Variants in KNDC1 observed in about 807,000 individuals in gnomAD.
KNDC1 encodes the protein kinase non-catalytic C-lobe domain containing 1.
Under a neutral mutation model 172.8 loss-of-function variants are expected in KNDC1, and 106 were observed. That is an observed-to-expected ratio of 0.61 (90% CI 0.52 to 0.72). The LOEUF (loss-of-function observed/expected upper bound fraction) is 0.72, where lower values mean the gene tolerates loss of function less well. KNDC1 is among the 30% of genes least tolerant of loss of function. The pLI is 0.00. For missense variants in KNDC1, 2,325 were observed against 2,394.5 expected, an observed-to-expected ratio of 0.97 and a Z score of 0.61; for synonymous variants, 1,083 against 1,062.2, an observed-to-expected ratio of 1.02 and a Z score of -0.38.
At chr10:133,213,160 T>C (rs2136024528) in intron 24 of KNDC1, among the ~76,000 whole-genome samples, 1 of 152,326 alleles carries the variant, frequency 6.6e-6, no homozygotes, top group Admixed American at 6.5e-5. Context: ...CCGCTGGGCC[T>C]GGCCCTGCCT....
chr10:133,225,303 C>A lies in KNDC1; in HGVS notation c.*413C>A. ...TCAACAAACTTCAGAGTAGCTCCTC[C>A]CTGAGCAGGTTTCTGAGCCAGCCTG... On this transcript the variant is annotated 3_prime_UTR_variant, in exon 30 of 30. Transcript: ENST00000304613. The A allele has an allele frequency of 4.7e-6, 1 of 212,432 alleles. No homozygotes were observed. The highest frequency in any genetic ancestry group is 9.5e-6 in the Non-Finnish European group (1 of 105,260). The allele number at this position is 212,432 out of a possible 1,614,324, so 13.2% of individuals were successfully genotyped here. A position where few individuals can be genotyped will look rare whatever the true frequency, so the allele number is the denominator to read the frequency against.
chr10:133,213,222 T>A (rs1399166320), intron 24 of KNDC1, among the ~76,000 whole-genome samples: 1 of 152,206 alleles, frequency 6.6e-6, no homozygotes, highest in East Asian at 1.9e-4. Context: ...GAGGGCCGCA[T>A]GGGGCGCTGA....
chr10:133,202,592 G>A lies in KNDC1; in HGVS notation c.3387+694G>A, dbSNP rs545191969. ...AGCTCCGGGAACCTCTCCTACCACC[G>A]TCTGCCTCGAGCTGAGCCACCGTGG... On this transcript the variant is annotated intron_variant, in intron 17 of 29. Transcript: ENST00000304613. The A allele has an allele frequency of 1.2e-3, 540 of 456,512 alleles. 1 individual carries two copies. Among genetic ancestry groups the A allele is most frequent in the African/African-American group, 9.7e-3 (486 of 50,186 alleles). The allele number at this position is 456,512 out of a possible 1,614,324, so 28.3% of individuals were successfully genotyped here.
intron 1 of KNDC1, among the ~76,000 whole-genome samples, chr10:133,165,813 C>A (rs1046225735): frequency 2.0e-5 from 3 of 152,126 alleles, no homozygotes; most frequent in Non-Finnish European, 4.4e-5. Flanking sequence ...GCTAAGAGGG[C>A]GGCAGGCTTG....
In KNDC1 at chr10:133,211,782, C is replaced by T. The variant is rs765362569; in HGVS notation, c.4160C>T (p.Pro1387Leu). The T allele has an allele frequency of 1.3e-5, 21 of 1,610,640 alleles. No homozygotes were observed. The East Asian group carries it at 4.7e-4, about 36-fold the overall frequency. Residue 1387 changes from proline (P) to leucine (L), a missense_variant, in exon 23 of 30, where the codon CCC becomes CTC. By Grantham distance (98) the Pro-to-Leu change is moderately conservative. Coordinates refer to ENST00000304613, the MANE Select transcript of KNDC1 (RefSeq NM_152643.8). ...GNPRGTDLENPREAEEDARPF... is the reference protein window; with the variant it reads ...GNPRGTDLENLREAEEDARPF... Reference sequence around the variant, plus strand: ...CCTCGCGGCACAGACCTGGAGAACCCCAGGGAGGCCGAGGAGGATGCCAGA... The same window carrying T: ...CCTCGCGGCACAGACCTGGAGAACCTCAGGGAGGCCGAGGAGGATGCCAGA...
chr10:133,205,685 C>T (rs915039418), intron 17 of KNDC1, among the ~76,000 whole-genome samples: 2 of 152,106 alleles, frequency 1.3e-5, no homozygotes, highest in Non-Finnish European at 2.9e-5. Flanking sequence ...AAAAGAAAGG[C>T]AAGGCTGGTG....
At position 133,186,433 on chromosome 10, in the gene KNDC1, G is replaced by T; in HGVS notation, c.1085G>T (p.Arg362Met). The change falls in exon 6 of 30, where the codon AGG (arginine) becomes ATG (methionine). Residue 362 changes from arginine to methionine, a missense_variant. Transcript: ENST00000304613. Reference protein sequence around the residue: ...LSSFQAQPKCRLWPEQEPEHQ... With the variant: ...LSSFQAQPKCMLWPEQEPEHQ... ...AGCTTCCAGGCTCAGCCCAAATGCA[G>T]GCTGTGGCCGGAGCAGGAGCCGGAA... The T allele has an allele frequency of 6.2e-7, 1 of 1,612,628 alleles. No individual in the cohort carries two copies. Among genetic ancestry groups the T allele is most frequent in the Non-Finnish European group, 8.5e-7 (1 of 1,179,872 alleles).
intron 20 of KNDC1, among the ~76,000 whole-genome samples, chr10:133,207,708 G>A (rs1259796615): frequency 1.3e-5 from 2 of 152,248 alleles, no homozygotes; most frequent in Non-Finnish European, 2.9e-5. Context: ...CACCGAGTCA[G>A]AACACCCGGG....
intron 1 of KNDC1, among the ~76,000 whole-genome samples, chr10:133,160,856 G>A (rs936377169): frequency 1.3e-5 from 2 of 152,158 alleles, no homozygotes; most frequent in African/African-American, 4.8e-5. Flanking sequence ...GCAGCAAGGA[G>A]GACGGAGGGG....
rs1845238045 is a variant in KNDC1 at position 133,207,483 on chromosome 10, G to T, written c.3794+132G>T. ...TAGTTTAGAGAAATGTTTAATCGGG[G>T]TTTAGGCCAATGTGCACTAGGTGCC... On this transcript the variant is annotated intron_variant, in intron 20 of 29. Coordinates refer to ENST00000304613, the MANE Select transcript of KNDC1 (RefSeq NM_152643.8). 3 of 870,946 alleles carry T rather than the reference G, an allele frequency of 3.4e-6. No homozygotes were observed. The African/African-American group carries it at 5.0e-5, about 15-fold the overall frequency. 54.0% of individuals were successfully genotyped at this position (870,946 alleles called of 1,614,324 possible).
chr10:133,198,252 T>C, intron 12 of KNDC1, 85 bp from the exon 13 acceptor site: 2 of 1,420,054 alleles, frequency 1.4e-6, no homozygotes, highest in Non-Finnish European at 1.9e-6. Flanking sequence ...CTGGGTGGGA[T>C]GAGCACTGGG....
Position 133,211,469 on chromosome 10 carries a change from G to T in KNDC1, c.3956G>T (p.Ser1319Ile), listed in dbSNP as rs1398873556. 6.2e-7 allele frequency: 1 copy of T among 1,613,794 alleles called. No individual in the cohort carries two copies. The highest frequency in any genetic ancestry group is 8.5e-7 in the Non-Finnish European group (1 of 1,179,910). ...ACCTTCACCAAGATCTACAGGCGGA[G>T]CCTCTGCGTCCTGCAGGCCTGGGTG... ...TSTFTKIYRRSLCVLQAWVED... is the reference protein window; with the variant it reads ...TSTFTKIYRRILCVLQAWVED... Residue 1319 changes from serine (S) to isoleucine (I), a missense_variant, in exon 22 of 30, where the codon AGC becomes ATC. Physicochemically the swap from Ser to Ile is moderately radical, Grantham distance 142. Coordinates refer to ENST00000304613, the MANE Select transcript of KNDC1 (RefSeq NM_152643.8).
chr10:133,205,537 C>A (rs918133956), intron 17 of KNDC1, among the ~76,000 whole-genome samples: 1 of 152,240 alleles, frequency 6.6e-6, no homozygotes, highest in African/African-American at 2.4e-5. Context: ...ATGGAGCACC[C>A]AAGGGCTGGG....
At chr10:133,206,835 C>A in intron 18 of KNDC1, 21 bp from the exon 19 acceptor site, 2 of 1,613,234 alleles carry the variant, frequency 1.2e-6, no homozygotes, top group Non-Finnish European at 1.7e-6. Context: ...CCGGCCCCCA[C>A]CCACTCTGCT....
In KNDC1 at chr10:133,213,712, GCA is replaced by G; in HGVS notation, c.4513_4514del (p.Thr1505CysfsTer9). Reference sequence around the variant, plus strand: ...CGGGCCCTGGGCGTCATGGACAAGAGCACTGCCATCCCCAAGTGAGCGTCCGG... The same window carrying G: ...CGGGCCCTGGGCGTCATGGACAAGAGCTGCCATCCCCAAGTGAGCGTCCGG... On this transcript the variant is annotated frameshift_variant, in exon 25 of 30. Transcript: ENST00000304613. LOFTEE classifies it high-confidence loss of function. The G allele has an allele frequency of 6.2e-7, 1 of 1,614,010 alleles. No homozygotes were observed. The highest frequency in any genetic ancestry group is 8.5e-7 in the Non-Finnish European group (1 of 1,179,954).
intron 9 of KNDC1, among the ~76,000 whole-genome samples, chr10:133,190,582 G>A (rs540934172): frequency 3.9e-5 from 6 of 152,356 alleles, no homozygotes; most frequent in Non-Finnish European, 7.3e-5. Context: ...TAAAGAAGCC[G>A]GTGACCGGGA....
At chr10:133,208,966 TATA>T (rs1226369250) in intron 20 of KNDC1, among the ~76,000 whole-genome samples, 1 of 151,268 alleles carries the variant, frequency 6.6e-6, no homozygotes, top group Non-Finnish European at 1.5e-5. Flanking sequence ...TGGCGTGGGG[TATA>T]ATGTGACATG....
intron 5 of KNDC1, 71 bp from the exon 6 acceptor site, chr10:133,185,902 AG>A: frequency 1.7e-6 from 1 of 573,952 alleles, no homozygotes; most frequent in Middle Eastern, 4.7e-4. Flanking sequence ...GTGGGAGGAG[AG>A]GGGAGGGGCG....
intron 19 of KNDC1, 49 bp from the exon 20 acceptor site, chr10:133,207,088 C>T (rs1338624516): frequency 1.3e-6 from 2 of 1,550,684 alleles, no homozygotes; most frequent in African/African-American, 1.4e-5. Context: ...GCCAGGAAGC[C>T]CTGGGGCGAG....
Sources: allele counts gnomAD v4.1 joint callset (sites outside exome capture counted in the v4.1 genomes callset), GRCh38; gene constraint gnomAD v4.1.1; transcripts MANE v1.5; gene names NCBI Gene and HGNC (gene_info 2026-07-23, HGNC 2026-07-21).